Variants in TG observed in about 807,000 individuals in gnomAD.
The protein encoded by TG is thyroglobulin.
TG carries 270 observed loss-of-function variants against 324.7 expected under a neutral mutation model. The ratio of observed to expected loss-of-function variants is 0.83; its 90% CI spans 0.75 to 0.92. The LOEUF (loss-of-function observed/expected upper bound fraction) is 0.92. Ranked by LOEUF, TG falls within the 40% of genes least tolerant of loss-of-function variation. The pLI is 0.00. For synonymous variants in TG, 1,401 were observed against 1,327.0 expected (o/e 1.06, Z -1.21); for missense variants, 3,591 against 3,456.4 (o/e 1.04, Z -0.98).
At chr8:132,989,532 C>T (rs896910058) in intron 35 of TG, among the ~76,000 whole-genome samples, 2 of 152,204 alleles carry the variant, frequency 1.3e-5, no homozygotes, top group Admixed American at 6.5e-5. Context: ...TTGTCCTGCT[C>T]AGCTTTCCAG....
At chr8:132,916,414 T>A (rs577098205) in intron 20 of TG, among the ~76,000 whole-genome samples, 1 of 152,358 alleles carries the variant, frequency 6.6e-6, no homozygotes, top group African/African-American at 2.4e-5. Context: ...AGGAGGTTCT[T>A]GGTGAAATCA....
chr8:132,986,731 A>G (rs1289913889), intron 35 of TG, among the ~76,000 whole-genome samples: 1 of 152,198 alleles, frequency 6.6e-6, no homozygotes, highest in Non-Finnish European at 1.5e-5. Flanking sequence ...TTCCTGGGGT[A>G]AGATTGACCA....
chr8:132,937,601 A>G (rs1380610165), intron 25 of TG, among the ~76,000 whole-genome samples: 1 of 152,086 alleles, frequency 6.6e-6, no homozygotes, highest in Admixed American at 6.6e-5. Context: ...AATTATTTTC[A>G]TTGTCCTGTT....
chr8:133,091,202 G>T (rs1033777873), intron 41 of TG, among the ~76,000 whole-genome samples: 2 of 152,190 alleles, frequency 1.3e-5, no homozygotes, highest in African/African-American at 4.8e-5. Flanking sequence ...TGCTGCAAGG[G>T]CTTTGTAGGA....
chr8:133,037,599 C>T (rs922836636), intron 41 of TG: 2 of 151,794 alleles, frequency 1.3e-5, no homozygotes, highest in Admixed American at 1.3e-4. Context: ...TCCCTGTCTA[C>T]ACTGTGAACA....
rs1815439223 is a variant in TG at position 132,886,490 on chromosome 8, C to T, written c.1118C>T (p.Ser373Phe). Residue 373 changes from serine to phenylalanine, a missense_variant, in exon 9 of 48, where the codon TCC becomes TTC. Physicochemically the swap from Ser to Phe is radical, Grantham distance 155. Coordinates refer to ENST00000220616, the MANE Select transcript of TG (RefSeq NM_003235.5). The stretch of plus-strand genomic sequence containing the variant: ...GCCTCCGAAAGGCAGCAGGCCTTGT[C>T]CAGACTCTACTTTGGGACCTCAGGC... ...SCASERQQAL[S>F]RLYFGTSGYF... 2 of 1,614,184 alleles carry T rather than the reference C, an allele frequency of 1.2e-6. No individual in the cohort carries two copies. Among genetic ancestry groups the T allele is most frequent in the Non-Finnish European group, 1.7e-6 (2 of 1,180,042 alleles).
intron 23 of TG, among the ~76,000 whole-genome samples, chr8:132,931,584 G>T (rs551473046): frequency 6.6e-6 from 1 of 152,188 alleles, no homozygotes; most frequent in Non-Finnish European, 1.5e-5. Context: ...GGAAGCTATG[G>T]TTGGGGTCAT....
At chr8:132,893,272 C>T (rs1306739509) in intron 10 of TG, among the ~76,000 whole-genome samples, 7 of 43,588 alleles carry the variant, frequency 1.6e-4, no homozygotes, top group South Asian at 8.1e-4. Flanking sequence ...GTGGTGTCTG[C>T]GGGGGTGGTG....
intron 29 of TG, among the ~76,000 whole-genome samples, 174 bp from the exon 30 acceptor site, chr8:132,966,386 C>T (rs1828560439): frequency 6.6e-6 from 1 of 152,174 alleles, no homozygotes; most frequent in African/African-American, 2.4e-5. Context: ...GCTCTACTGA[C>T]TTCAATCCTG....
chr8:132,969,449 T>C lies in TG; in HGVS notation c.5864-9T>C, dbSNP rs1829148589. 6.3e-7 allele frequency: 1 copy of C among 1,583,322 alleles called. No homozygotes were observed. Among genetic ancestry groups the C allele is most frequent in the Admixed American group, 1.7e-5 (1 of 59,956 alleles). On this transcript the variant is annotated splice_polypyrimidine_tract_variant and intron_variant, in intron 31 of 47. Coordinates refer to ENST00000220616, the MANE Select transcript of TG (RefSeq NM_003235.5). ...CTAAGTAATGTATTTTCTTTCTTCC[T>C]CTATGAAGTTATACTGGAAGATAAA...
At chr8:132,876,249 G>C (rs535763769) in intron 5 of TG, among the ~76,000 whole-genome samples, 20 of 152,164 alleles carry the variant, frequency 1.3e-4, no homozygotes, top group African/African-American at 4.8e-4. Flanking sequence ...CAAGAGATGG[G>C]GTGAGACTGG....
At chr8:132,916,754 T>C (rs1820340072) in intron 20 of TG, among the ~76,000 whole-genome samples, 1 of 152,232 alleles carries the variant, frequency 6.6e-6, no homozygotes, top group South Asian at 2.1e-4. Context: ...ATATGGCTTC[T>C]CCTTGAAATT....
At chr8:132,984,856 C>G (rs1022423972) in intron 35 of TG, among the ~76,000 whole-genome samples, 3 of 151,732 alleles carry the variant, frequency 2.0e-5, no homozygotes. Context: ...GCAGGAGAAT[C>G]TCTTGAACCC....
chr8:133,113,552 A>G lies in TG; in HGVS notation c.7703A>G (p.His2568Arg), dbSNP rs1422347274. The G allele has an allele frequency of 6.2e-7, 1 of 1,613,986 alleles. No homozygotes were observed. The highest frequency in any genetic ancestry group is 8.5e-7 in the Non-Finnish European group (1 of 1,179,976). Residue 2568 changes from histidine to arginine, a missense_variant, in exon 44 of 48, where the codon CAC (histidine) becomes CGC (arginine). His to Arg is a conservative substitution (Grantham distance 29, BLOSUM62 0). Transcript: ENST00000220616. The stretch of plus-strand genomic sequence containing the variant: ...GCTACATGGTATTACTCTCTGGAGC[A>G]CTCCACGGATGACTATGCCTCCTTC... ...AAATWYYSLE[H>R]STDDYASFSR...
chr8:132,897,685 A>T lies in TG; in HGVS notation c.3038A>T (p.Asp1013Val), dbSNP rs1426593054. ...SFYQRRRFSP[D>V]DSAGASALLR... ...TATCAGAGACGCCGCTTTTCCCCGG[A>T]CGACTCGGCTGGAGCATCCGCCCTT... The change falls in exon 12 of 48, where the codon GAC (aspartate) becomes GTC (valine). Residue 1013 changes from aspartate to valine, a missense_variant. By Grantham distance (152) the Asp-to-Val change is radical. Coordinates refer to ENST00000220616, the MANE Select transcript of TG (RefSeq NM_003235.5). 3.7e-6 allele frequency: 6 copies of T among 1,614,038 alleles called. No homozygotes were observed. The Admixed American group carries it at 5.0e-5, about 13-fold the overall frequency.
At chr8:133,062,184 G>C (rs1245957428) in intron 41 of TG, among the ~76,000 whole-genome samples, 1 of 152,098 alleles carries the variant, frequency 6.6e-6, no homozygotes, top group Non-Finnish European at 1.5e-5. Context: ...TGAGGCTCGG[G>C]CCCTTCTTTC....
In TG at chr8:132,888,568, T is replaced by C; in HGVS notation, c.2761T>C (p.Cys921Arg). The change falls in exon 10 of 48, where the codon TGT (cysteine) becomes CGT (arginine). Residue 921 changes from cysteine to arginine, a missense_variant and splice_region_variant. Physicochemically the swap from Cys to Arg is radical, Grantham distance 180. Transcript: ENST00000220616. Reference sequence around the variant, plus strand: ...GTCTGAGCCAAGCAAGCTCCCAACATGTGAGCTAACGCATATGAAGAGTTA... The same window carrying C: ...GTCTGAGCCAAGCAAGCTCCCAACACGTGAGCTAACGCATATGAAGAGTTA... Reference protein sequence around the residue: ...MRSEPSKLPTCPGSCEEAKLR... With the variant: ...MRSEPSKLPTRPGSCEEAKLR... The C allele has an allele frequency of 6.2e-7, 1 of 1,610,230 alleles. No homozygotes were observed. The highest frequency in any genetic ancestry group is 8.5e-7 in the Non-Finnish European group (1 of 1,178,976).
chr8:132,972,799 A>G, intron 34 of TG, 58 bp downstream of exon 34: 4 of 1,603,992 alleles, frequency 2.5e-6, no homozygotes, highest in Middle Eastern at 1.7e-4. Flanking sequence ...TTTCCCAGCC[A>G]TGCATTAGGA....
chr8:132,934,061 G>C (rs987036496), intron 24 of TG, among the ~76,000 whole-genome samples: 2 of 152,130 alleles, frequency 1.3e-5, no homozygotes, highest in South Asian at 4.1e-4. Context: ...TGGAGGGCAC[G>C]GTGGCTCGCA....
Sources: allele counts gnomAD v4.1 joint callset (sites outside exome capture counted in the v4.1 genomes callset), GRCh38; gene constraint gnomAD v4.1.1; transcripts MANE v1.5; gene names NCBI Gene and HGNC (gene_info 2026-07-23, HGNC 2026-07-21).